Variants in CFAP299 observed in about 807,000 individuals in gnomAD.
CFAP299 encodes cilia and flagella associated protein 299.
A neutral mutation model predicts 27.0 loss-of-function variants in CFAP299; 21 were observed. The observed-to-expected ratio is 0.78, with a 90% CI of 0.55 to 1.12. CFAP299 has a LOEUF of 1.12. Ranked by LOEUF, CFAP299 falls within the 50% of genes most tolerant of loss-of-function variation. CFAP299 has a pLI of 0.00. For missense variants in CFAP299, 310 were observed against 276.6 expected (o/e 1.12, Z -0.86); for synonymous variants, 104 against 98.1 (o/e 1.06, Z -0.36).
At chr4:80,376,541 A>G (rs747907605) in intron 2 of CFAP299, among the ~76,000 whole-genome samples, 2 of 152,234 alleles carry the variant, frequency 1.3e-5, no homozygotes, top group African/African-American at 4.8e-5. Flanking sequence ...GCAAGGTGTT[A>G]GAGTCCCAGT....
intron 4 of CFAP299, among the ~76,000 whole-genome samples, chr4:80,931,720 G>GCACA (rs148245575): frequency 5.4e-5 from 8 of 147,954 alleles, no homozygotes; most frequent in East Asian, 4.0e-4. Context: ...TAACATGCAC[G>GCACA]CACACACACA....
At position 80,589,230 on chromosome 4, in the gene CFAP299, AG is replaced by A. The variant is rs527672352; in HGVS notation, c.333+6049del. On this transcript the variant is annotated intron_variant, in intron 3 of 5. Coordinates refer to ENST00000358105, the MANE Select transcript of CFAP299 (RefSeq NM_152770.3). ...CTGGGTGACAAAACAAGCCACAGAGAGGTTAAATATTTTGCCCAGTGTTCAT... is the reference window on the plus strand; with the variant it reads ...CTGGGTGACAAAACAAGCCACAGAGAGTTAAATATTTTGCCCAGTGTTCAT... Among the ~76,000 whole-genome samples, 369 of 152,312 alleles carry A rather than the reference AG, an allele frequency of 2.4e-3. 1 individual carries two copies. The highest frequency in any genetic ancestry group is 8.4e-3 in the African/African-American group (350 of 41,580).
At position 80,887,773 on chromosome 4, in the gene CFAP299, T is replaced by C. The variant is rs188719034; in HGVS notation, c.476+17638T>C. On this transcript the variant is annotated intron_variant, in intron 4 of 5. Coordinates refer to ENST00000358105, the MANE Select transcript of CFAP299 (RefSeq NM_152770.3). ...TAACCATGAAAACTACAACAACTTT[T>C]CAAGACATAGTGCAATAAGACATAA... 2.0e-5 allele frequency among the ~76,000 whole-genome samples: 3 copies of C among 152,160 alleles called. No individual in the cohort carries two copies. In the East Asian group the frequency reaches 5.8e-4, roughly 29 times the overall value.
chr4:80,861,728 C>G (rs1248980086), intron 3 of CFAP299, among the ~76,000 whole-genome samples: 1 of 152,004 alleles, frequency 6.6e-6, no homozygotes. Flanking sequence ...TTATTTTACA[C>G]AAAATATTTT....
chr4:80,541,611 C>T (rs1033258388), intron 2 of CFAP299, among the ~76,000 whole-genome samples: 1 of 152,064 alleles, frequency 6.6e-6, no homozygotes, highest in Non-Finnish European at 1.5e-5. Context: ...ATCTTTAGTC[C>T]TATCTGAGTA....
chr4:80,441,827 A>C (rs1384253386), intron 2 of CFAP299, among the ~76,000 whole-genome samples: 2 of 152,342 alleles, frequency 1.3e-5, no homozygotes, highest in Admixed American at 6.5e-5. Flanking sequence ...ATGTGCAAAA[A>C]CACACATAGG....
intron 2 of CFAP299, among the ~76,000 whole-genome samples, chr4:80,546,764 G>A (rs931477852): frequency 6.6e-6 from 1 of 152,100 alleles, no homozygotes; most frequent in Non-Finnish European, 1.5e-5. Context: ...TACACCATGA[G>A]TAAAAGTTCC....
intron 2 of CFAP299, chr4:80,387,222 G>A (rs1021707351): frequency 4.1e-6 from 6 of 1,452,338 alleles, no homozygotes; most frequent in Non-Finnish European, 5.8e-6. Context: ...TCGTACATCG[G>A]GGGTAAGTCC....
chr4:80,585,274 T>C (rs1298617854), intron 3 of CFAP299, among the ~76,000 whole-genome samples: 1 of 152,086 alleles, frequency 6.6e-6, no homozygotes, highest in Non-Finnish European at 1.5e-5. Flanking sequence ...AGATCAGAAG[T>C]AGGGCACAGA....
chr4:80,345,604 G>A (rs962195727), intron 1 of CFAP299, among the ~76,000 whole-genome samples: 1 of 152,024 alleles, frequency 6.6e-6, no homozygotes. Context: ...GGACATGAAT[G>A]CATCCTTTTT....
At chr4:80,511,200 T>A (rs748159143) in intron 2 of CFAP299, among the ~76,000 whole-genome samples, 1 of 152,176 alleles carries the variant, frequency 6.6e-6, no homozygotes, top group Non-Finnish European at 1.5e-5. Flanking sequence ...TGCCTCCCCT[T>A]ATCTATATTA....
chr4:80,388,961 A>C (rs925360874), intron 2 of CFAP299, among the ~76,000 whole-genome samples: 6 of 152,040 alleles, frequency 3.9e-5, no homozygotes, highest in Non-Finnish European at 5.9e-5. Context: ...AATGTCTACT[A>C]TTTCCCTGTT....
intron 3 of CFAP299, among the ~76,000 whole-genome samples, chr4:80,686,163 C>T (rs1055645824): frequency 4.6e-5 from 7 of 152,012 alleles, no homozygotes; most frequent in African/African-American, 1.7e-4. Flanking sequence ...GGAATCAAAC[C>T]CTAAAAGAAC....
intron 3 of CFAP299, among the ~76,000 whole-genome samples, chr4:80,814,710 T>C (rs1355110169): frequency 2.6e-5 from 4 of 151,742 alleles, no homozygotes; most frequent in Non-Finnish European, 5.9e-5. Flanking sequence ...TATAAAAATC[T>C]TTATGTCTTA....
intron 4 of CFAP299, among the ~76,000 whole-genome samples, chr4:80,905,808 A>T (rs1735153789): frequency 6.6e-6 from 1 of 152,158 alleles, no homozygotes; most frequent in Non-Finnish European, 1.5e-5. Flanking sequence ...CCATGATTTA[A>T]TTACCTCCCA....
rs916885752 is a variant in CFAP299, at chr4:80,547,017, TA to T, written c.243-36067del. 1.3e-4 allele frequency among the ~76,000 whole-genome samples: 19 copies of T among 151,428 alleles called. No individual in the cohort carries two copies. In the East Asian group the frequency reaches 2.7e-3, roughly 22 times the overall value. ...CTTAAAACTTCATTTTTCACAGAAT[TA>T]AAAAAAAATTATTCCAGAATTCATA... On this transcript the variant is annotated intron_variant, in intron 2 of 5. Transcript: ENST00000358105.
intron 3 of CFAP299, among the ~76,000 whole-genome samples, chr4:80,743,717 G>A (rs1724419951): frequency 6.6e-6 from 1 of 152,166 alleles, no homozygotes. Context: ...CCTAATGCAT[G>A]CAGGGCTTAA....
At chr4:80,949,066 T>G (rs1024440485) in intron 5 of CFAP299, among the ~76,000 whole-genome samples, 3 of 152,174 alleles carry the variant, frequency 2.0e-5, no homozygotes, top group Non-Finnish European at 4.4e-5. Flanking sequence ...CCCAGAAATA[T>G]ATAATTTAAA....
At chr4:80,536,606 A>C (rs1033339702) in intron 2 of CFAP299, among the ~76,000 whole-genome samples, 5 of 152,194 alleles carry the variant, frequency 3.3e-5, no homozygotes, top group African/African-American at 1.2e-4. Flanking sequence ...CCAAGAACAT[A>C]CAGGGAGGAA....
Sources: allele counts gnomAD v4.1 joint callset (sites outside exome capture counted in the v4.1 genomes callset), GRCh38; gene constraint gnomAD v4.1.1; transcripts MANE v1.5; gene names NCBI Gene and HGNC (gene_info 2026-07-23, HGNC 2026-07-21).